GPHN: variants seen among roughly 807,000 people sequenced by gnomAD.
GPHN encodes the protein gephyrin.
A neutral mutation model predicts 95.5 loss-of-function variants in GPHN; 17 were observed. The ratio of observed to expected loss-of-function variants is 0.18; its 90% CI spans 0.12 to 0.27. The LOEUF is 0.27. Among genes scored for constraint, GPHN ranks in the 10% least tolerant of loss-of-function variants. GPHN has a pLI of 1.00. For missense variants in GPHN, 660 were observed against 978.1 expected, an observed-to-expected ratio of 0.67 and a Z score of 4.34; for synonymous variants, 320 against 322.5, an observed-to-expected ratio of 0.99 and a Z score of 0.08.
chr14:66,733,720 A>T (rs1219274682), intron 2 of GPHN, among the ~76,000 whole-genome samples: 1 of 152,204 alleles, frequency 6.6e-6, no homozygotes, highest in Non-Finnish European at 1.5e-5. Context: ...ATATCTATCA[A>T]ATAAGCACTC....
chr14:67,670,153 C>A, the GPHN span, among the ~76,000 whole-genome samples: 1 of 152,174 alleles, frequency 6.6e-6, no homozygotes, highest in Non-Finnish European at 1.5e-5. Context: ...TTAACACAGT[C>A]CCCTGTACCC....
intron 5 of GPHN, among the ~76,000 whole-genome samples, chr14:66,913,421 A>T (rs1366666400): frequency 6.6e-6 from 1 of 152,158 alleles, no homozygotes; most frequent in African/African-American, 2.4e-5. Context: ...TGCTCATTGC[A>T]ACCTCCGCCT....
At chr14:67,619,984 C>A in the GPHN span, 2 of 1,601,906 alleles carry the variant, frequency 1.2e-6, no homozygotes. Flanking sequence ...GATCATGTCC[C>A]TAAGGGGCAG....
chr14:67,635,280 T>G, the GPHN span, among the ~76,000 whole-genome samples: 1 of 152,232 alleles, frequency 6.6e-6, no homozygotes, highest in Non-Finnish European at 1.5e-5. Context: ...GTACAGTCTT[T>G]GGGAGTTAAA....
the GPHN span, chr14:67,587,229 G>A: frequency 1.9e-6 from 3 of 1,613,558 alleles, no homozygotes; most frequent in Non-Finnish European, 1.7e-6. Flanking sequence ...GGCCAACGTT[G>A]CTGTGAATAT....
intron 11 of GPHN, among the ~76,000 whole-genome samples, chr14:67,064,896 T>C (rs994007607): frequency 1.3e-5 from 2 of 152,322 alleles, no homozygotes; most frequent in African/African-American, 4.8e-5. Context: ...CCTGGATTCA[T>C]TGATTTTTTG....
chr14:66,771,887 T>C (rs571092932), intron 2 of GPHN, among the ~76,000 whole-genome samples: 5 of 152,096 alleles, frequency 3.3e-5, no homozygotes, highest in Admixed American at 2.6e-4. Context: ...TATATATCTA[T>C]CTATTGATGA....
chr14:66,688,842 C>T (rs1351838927), intron 2 of GPHN, among the ~76,000 whole-genome samples: 2 of 146,590 alleles, frequency 1.4e-5, no homozygotes, highest in Non-Finnish European at 3.0e-5. Flanking sequence ...CATGTTCTCA[C>T]TCATAAGTGG....
chr14:67,321,162 A>G, the GPHN span: 54 of 1,614,114 alleles, frequency 3.3e-5, no homozygotes, highest in Non-Finnish European at 4.3e-5. Flanking sequence ...TTCATTGAGC[A>G]TGGTGAATTT....
At chr14:66,605,824 A>C (rs1174645946) in intron 1 of GPHN, among the ~76,000 whole-genome samples, 1 of 151,614 alleles carries the variant, frequency 6.6e-6, no homozygotes, top group Non-Finnish European at 1.5e-5. Context: ...GAGCCACCGC[A>C]CCTGGCCCCA....
intron 2 of GPHN, among the ~76,000 whole-genome samples, chr14:66,742,407 G>A (rs2072869142): frequency 6.6e-6 from 1 of 152,162 alleles, no homozygotes; most frequent in Non-Finnish European, 1.5e-5. Flanking sequence ...TATGTGTGCA[G>A]TTTGATTTGG....
chr14:67,389,738 T>C, the GPHN span, among the ~76,000 whole-genome samples: 1 of 151,826 alleles, frequency 6.6e-6, no homozygotes, highest in Non-Finnish European at 1.5e-5. Context: ...GGCTAGACCA[T>C]GGTGAGAGTT....
chr14:67,618,946 T>G, the GPHN span, among the ~76,000 whole-genome samples: 1 of 152,234 alleles, frequency 6.6e-6, no homozygotes, highest in East Asian at 1.9e-4. Context: ...GAAATAAATT[T>G]CAGGAGTTTA....
the GPHN span, among the ~76,000 whole-genome samples, chr14:67,501,927 T>A: frequency 1.3e-5 from 2 of 152,236 alleles, no homozygotes; most frequent in Non-Finnish European, 2.9e-5. Context: ...CAAGTCAGAT[T>A]CTTCTGTCAC....
intron 2 of GPHN, among the ~76,000 whole-genome samples, chr14:66,759,818 G>A (rs145383131): frequency 3.9e-4 from 59 of 152,214 alleles, no homozygotes; most frequent in African/African-American, 1.3e-3. Context: ...GCTTTATAGG[G>A]TCTGTGCACT....
At chr14:66,819,981 GA>G in intron 3 of GPHN, among the ~76,000 whole-genome samples, 1 of 152,188 alleles carries the variant, frequency 6.6e-6, no homozygotes, top group South Asian at 2.1e-4. Context: ...AGAGCCTATT[GA>G]CTTTGAAATA....
Position 67,144,262 on chromosome 14 carries a change from T to TAC in GPHN, c.1836+814_1836+815insCA, listed in dbSNP as rs1216045045. Among the ~76,000 whole-genome samples the TAC allele has an allele frequency of 5.4e-4, 44 of 81,950 alleles. 5 individuals are homozygous for TAC. The highest frequency in any genetic ancestry group is 2.8e-3 in the African/African-American group (36 of 12,988). The allele number at this position is 81,950 out of a possible 152,430, so 53.8% of individuals were successfully genotyped here. A position where few individuals can be genotyped will look rare whatever the true frequency, so the allele number is the denominator to read the frequency against. ...AAAAAAAAAAAAAAATATATATATA[T>TAC]ATATATATATATATATATATATATA... On this transcript the variant is annotated intron_variant, in intron 18 of 22. Coordinates refer to ENST00000478722, the MANE Select transcript of GPHN (RefSeq NM_020806.5).
At chr14:67,261,876 A>T in the GPHN span, among the ~76,000 whole-genome samples, 1 of 152,132 alleles carries the variant, frequency 6.6e-6, no homozygotes, top group Non-Finnish European at 1.5e-5. Flanking sequence ...GATTGTGTTA[A>T]AATTTATTTT....
In GPHN at chr14:66,783,388, G is replaced by T. The variant is rs79959495; in HGVS notation, c.201+6867G>T. ...TTAAAGTTGAAACCAAGCAGAAGTT[G>T]ATCTATCACCAGCCCAGTGGAAACA... On this transcript the variant is annotated intron_variant, in intron 3 of 22. Coordinates refer to ENST00000478722, the MANE Select transcript of GPHN (RefSeq NM_020806.5). 7.2e-3 allele frequency among the ~76,000 whole-genome samples: 1,100 copies of T among 152,128 alleles called. 24 individuals carry two copies. Among genetic ancestry groups the T allele is most frequent in the African/African-American group, 0.025 (1,048 of 41,494 alleles).
Sources: allele counts gnomAD v4.1 joint callset (sites outside exome capture counted in the v4.1 genomes callset), GRCh38; gene constraint gnomAD v4.1.1; transcripts MANE v1.5; gene names NCBI Gene and HGNC (gene_info 2026-07-23, HGNC 2026-07-21).